CFAP210: variants seen among roughly 807,000 people sequenced by gnomAD.
The protein encoded by CFAP210 is cilia- and flagella- associated protein 210.
chr2:169,650,102 CAG>C, the CFAP210 span, among the ~76,000 whole-genome samples: 1 of 152,098 alleles, frequency 6.6e-6, no homozygotes, highest in African/African-American at 2.4e-5. Context: ...GGTTCTGAAA[CAG>C]AAGAGATTAT....
the CFAP210 span, chr2:169,659,158 C>T: frequency 6.6e-6 from 1 of 152,076 alleles, no homozygotes. Flanking sequence ...GATATGTTAC[C>T]TTTGTCCACC....
chr2:169,669,470 T>C, the CFAP210 span, among the ~76,000 whole-genome samples: 2 of 152,128 alleles, frequency 1.3e-5, no homozygotes, highest in South Asian at 4.1e-4. Context: ...TAAAGAAGAA[T>C]TTGGCAAATA....
chr2:169,649,352 T>C, the CFAP210 span: 1 of 1,607,550 alleles, frequency 6.2e-7, no homozygotes, highest in Admixed American at 1.7e-5. Context: ...TTCATCTAGA[T>C]GTTTAAAGGC....
At chr2:169,668,857 A>T in the CFAP210 span, among the ~76,000 whole-genome samples, 45 of 152,336 alleles carry the variant, frequency 3.0e-4, no homozygotes, top group African/African-American at 6.7e-4. Flanking sequence ...TTTGAAATAC[A>T]GCGAGAGTTA....
chr2:169,661,419 A>G, the CFAP210 span: 1 of 363,800 alleles, frequency 2.7e-6, no homozygotes, highest in Middle Eastern at 9.8e-4. Context: ...AAGCACTCTC[A>G]GCCCCTCTCC....
chr2:169,690,581 T>G, the CFAP210 span, among the ~76,000 whole-genome samples: 1 of 151,086 alleles, frequency 6.6e-6, no homozygotes, highest in Admixed American at 6.6e-5. Flanking sequence ...GAGAATCACT[T>G]GAACCTGGGA....
chr2:169,667,231 C>T, the CFAP210 span, among the ~76,000 whole-genome samples: 4 of 151,244 alleles, frequency 2.6e-5, no homozygotes, highest in Non-Finnish European at 1.5e-5. Context: ...CTCTGCCCCC[C>T]GGGTTCAAGA....
the CFAP210 span, among the ~76,000 whole-genome samples, chr2:169,692,444 G>GCACA: frequency 0.029 from 4,119 of 143,674 alleles, 63 homozygotes; most frequent in African/African-American, 0.034. Context: ...ACAGGCGCAC[G>GCACA]CACACACACA....
the CFAP210 span, among the ~76,000 whole-genome samples, chr2:169,651,244 A>AAAAT: frequency 6.9e-6 from 1 of 144,566 alleles, no homozygotes. Context: ...AAAAAAAAAA[A>AAAAT]TTTAGCCAAG....
the CFAP210 span, chr2:169,660,897 C>T: frequency 2.1e-5 from 8 of 383,378 alleles, no homozygotes; most frequent in East Asian, 4.8e-4. Flanking sequence ...GCCACTACGC[C>T]TGGCCTGATG....
At chr2:169,677,364 C>T in the CFAP210 span, among the ~76,000 whole-genome samples, 3 of 152,050 alleles carry the variant, frequency 2.0e-5, no homozygotes, top group Non-Finnish European at 4.4e-5. Context: ...ACATTAAGAC[C>T]AATGGGGTTT....
At chr2:169,674,705 T>A in the CFAP210 span, 1 of 1,609,098 alleles carries the variant, frequency 6.2e-7, no homozygotes, top group Non-Finnish European at 8.5e-7. Flanking sequence ...TGATTTTATC[T>A]TACTCTTTCG....
chr2:169,685,775 A>G, the CFAP210 span, among the ~76,000 whole-genome samples: 1 of 143,818 alleles, frequency 7.0e-6, no homozygotes, highest in Non-Finnish European at 1.6e-5. Context: ...TCAAACTAAT[A>G]TTTGTATGTG....
the CFAP210 span, among the ~76,000 whole-genome samples, chr2:169,688,437 A>G: frequency 6.6e-6 from 1 of 151,312 alleles, no homozygotes; most frequent in Non-Finnish European, 1.5e-5. Context: ...CTTCTGCCAG[A>G]TCAGGCTACA....
the CFAP210 span, among the ~76,000 whole-genome samples, chr2:169,679,903 A>G: frequency 2.6e-5 from 4 of 152,172 alleles, no homozygotes; most frequent in South Asian, 8.3e-4. Flanking sequence ...ATATACAAGA[A>G]AAATTGATAA....
the CFAP210 span, among the ~76,000 whole-genome samples, chr2:169,691,791 GTTGT>G: frequency 6.6e-6 from 1 of 152,108 alleles, no homozygotes; most frequent in Non-Finnish European, 1.5e-5. Flanking sequence ...TCCTGCTGTT[GTTGT>G]TTGTTTCAGG....
At chr2:169,648,236 T>C in the CFAP210 span, 1 of 203,852 alleles carries the variant, frequency 4.9e-6, no homozygotes, top group Non-Finnish European at 1.0e-5. Context: ...ATTCCATTTA[T>C]GAGGTACCTA....
chr2:169,671,693 C>T, the CFAP210 span, among the ~76,000 whole-genome samples: 706 of 152,312 alleles, frequency 4.6e-3, 6 homozygotes, highest in African/African-American at 0.016. Context: ...TGGTCTCAAA[C>T]TCCTGACCTC....
the CFAP210 span, chr2:169,661,499 C>T: frequency 4.0e-6 from 1 of 250,668 alleles, no homozygotes; most frequent in South Asian, 5.4e-5. Flanking sequence ...AGGCCTGGAG[C>T]TAGAGAGCAG....
Sources: allele counts gnomAD v4.1 joint callset (sites outside exome capture counted in the v4.1 genomes callset), GRCh38; gene constraint gnomAD v4.1.1; transcripts MANE v1.5; gene names NCBI Gene and HGNC (gene_info 2026-07-23, HGNC 2026-07-21).